MYO18B: variants seen among roughly 807,000 people sequenced by gnomAD.
The protein encoded by MYO18B is unconventional myosin-XVIIIb.
A neutral mutation model predicts 273.0 loss-of-function variants in MYO18B; 204 were observed. The observed-to-expected ratio is 0.75, with a 90% CI of 0.67 to 0.84. The LOEUF is 0.84. Ranked by LOEUF, MYO18B falls within the 40% of genes least tolerant of loss-of-function variation. The probability of loss-of-function intolerance (pLI) is 0.00; values close to 1 mark genes in which losing one functional copy is unlikely to be tolerated. For synonymous variants in MYO18B, 1,330 were observed against 1,305.7 expected (o/e 1.02, Z -0.40); for missense variants, 3,212 against 3,287.6 (o/e 0.98, Z 0.56).
chr22:25,908,090 T>C lies in MYO18B; in HGVS notation c.5149-232T>C, dbSNP rs5752242. Among the ~76,000 whole-genome samples, 71,122 of 150,504 alleles carry C rather than the reference T, an allele frequency of 0.47. 16,907 individuals are homozygous for C. Among genetic ancestry groups the C allele is most frequent in the Middle Eastern group, 0.54 (160 of 294 alleles). ...ATTCTGAGGCTGCTTCTAAACTCAG[T>C]GGGAAAGTGTGATTGATGAGTGATG... On this transcript the variant is annotated intron_variant, in intron 31 of 43. Transcript: ENST00000335473.
rs915298022 is a variant in MYO18B, at chr22:25,769,194, G to A, written c.1278G>A (p.Val426=). 1 of 1,609,286 alleles carries A rather than the reference G, an allele frequency of 6.2e-7. No individual in the cohort carries two copies. The highest frequency in any genetic ancestry group is 8.5e-7 in the Non-Finnish European group (1 of 1,177,964). Residue 426 remains valine, a synonymous_variant, in exon 4 of 44, where the codon GTG becomes GTA. Transcript: ENST00000335473. ...CEAPKEVSTM[V]ESPAAPGKGG... Reference sequence around the variant, plus strand: ...CCCCAAAGGAGGTGAGCACAATGGTGGAGTCGCCAGCAGCTCCTGGGAAGG... The same window carrying A: ...CCCCAAAGGAGGTGAGCACAATGGTAGAGTCGCCAGCAGCTCCTGGGAAGG...
At chr22:25,847,307 G>T in intron 19 of MYO18B, 123 bp from the exon 20 acceptor site, 1 of 700,422 alleles carries the variant, frequency 1.4e-6, no homozygotes, top group African/African-American at 1.8e-5. Context: ...GGAGCTCCTT[G>T]GTGTGGGACA....
chr22:25,824,456 A>C (rs1004362007), intron 13 of MYO18B, among the ~76,000 whole-genome samples: 4 of 152,122 alleles, frequency 2.6e-5, no homozygotes, highest in African/African-American at 9.7e-5. Flanking sequence ...TGGGGGAAAA[A>C]CAGGAGGACT....
In MYO18B at chr22:25,935,707, G is replaced by A. The variant is rs1036583391; in HGVS notation, c.5518-10430G>A. Among the ~76,000 whole-genome samples, 5 of 152,102 alleles carry A rather than the reference G, an allele frequency of 3.3e-5. No homozygotes were observed. The East Asian group carries it at 9.7e-4, about 29-fold the overall frequency. ...TGGCTCTGAAGAAAGGTACCAGCTC[G>A]GGTATGTGGGGTCTGGTGAATAAGG... On this transcript the variant is annotated intron_variant, in intron 34 of 43. Coordinates refer to ENST00000335473, the MANE Select transcript of MYO18B (RefSeq NM_032608.7).
Position 25,857,216 on chromosome 22 carries a change from G to T in MYO18B, c.3885+5637G>T, listed in dbSNP as rs548095769. On this transcript the variant is annotated intron_variant, in intron 21 of 43. Coordinates refer to ENST00000335473, the MANE Select transcript of MYO18B (RefSeq NM_032608.7). ...CACTCTTTCAGCTCACCTTGGCTAC[G>T]TCCCAGATTCTGGTCCCTTCCATTT... Among the ~76,000 whole-genome samples the T allele has an allele frequency of 1.5e-3, 228 of 152,292 alleles. 2 individuals are homozygous for T. Among genetic ancestry groups the T allele is most frequent in the Middle Eastern group, 6.8e-3 (2 of 294 alleles).
At chr22:25,773,215 G>A (rs958437265) in intron 7 of MYO18B, among the ~76,000 whole-genome samples, 2 of 152,210 alleles carry the variant, frequency 1.3e-5, no homozygotes, top group Admixed American at 6.5e-5. Flanking sequence ...GCTATTGATT[G>A]AGGGTCTCCT....
intron 42 of MYO18B, among the ~76,000 whole-genome samples, chr22:26,022,324 T>G (rs549301573): frequency 1.3e-5 from 2 of 150,684 alleles, no homozygotes; most frequent in East Asian, 3.9e-4. Context: ...ACAGGATGTG[T>G]TTGAAGTGTC....
chr22:25,764,288 T>C (rs1404696967), intron 3 of MYO18B, among the ~76,000 whole-genome samples: 1 of 152,242 alleles, frequency 6.6e-6, no homozygotes, highest in Non-Finnish European at 1.5e-5. Context: ...TCTCTTGTCC[T>C]CTTTAGCCAT....
rs750025745 is a variant in MYO18B at position 25,890,879 on chromosome 22, A to AGTGGTCAGGG, written c.4434+9_4434+18dup. Reference sequence around the variant, plus strand: ...CCGGGAGGTCCAGGAGCTCAAGGTGAGTGGTCAGGGGTGGCCAGGGGTGGC... The same window carrying AGTGGTCAGGG: ...CCGGGAGGTCCAGGAGCTCAAGGTGAGTGGTCAGGGGTGGTCAGGGGTGGCCAGGGGTGGC... On this transcript the variant is annotated splice_donor_region_variant and intron_variant, in intron 26 of 43. Transcript: ENST00000335473. 63 of 1,612,892 alleles carry AGTGGTCAGGG rather than the reference A, an allele frequency of 3.9e-5. No homozygotes were observed. In the African/African-American group the frequency reaches 6.8e-4, roughly 17 times the overall value.
intron 22 of MYO18B, 134 bp downstream of exon 22, chr22:25,868,519 A>G (rs1015386859): frequency 7.0e-6 from 5 of 709,576 alleles, no homozygotes; most frequent in African/African-American, 1.8e-5. Context: ...AGAGCTAATG[A>G]TTTTCTGCCC....
chr22:26,027,049 C>A lies in MYO18B; in HGVS notation c.7075C>A (p.Pro2359Thr). 6.2e-7 allele frequency: 1 copy of A among 1,613,988 alleles called. No homozygotes were observed. The highest frequency in any genetic ancestry group is 8.5e-7 in the Non-Finnish European group (1 of 1,179,892). ...CTGCGAGTCCCTCTTAGAATCCAGACCGAGCATGGGGAGAAAACTGAGCTC... is the reference window on the plus strand; with the variant it reads ...CTGCGAGTCCCTCTTAGAATCCAGAACGAGCATGGGGAGAAAACTGAGCTC... ...SSCESLLESR[P>T]SMGRKLSSPT... The change falls in exon 43 of 44, where the codon CCG (proline) becomes ACG (threonine). Residue 2359 changes from proline (P) to threonine (T), a missense_variant. Pro to Thr is a conservative substitution (Grantham distance 38). Coordinates refer to ENST00000335473, the MANE Select transcript of MYO18B (RefSeq NM_032608.7). This position sits in a 1 kb window ranked among gnomAD's most constrained non-coding sequence, Gnocchi z 4.1.
chr22:25,848,914 C>G (rs1447868098), intron 20 of MYO18B, among the ~76,000 whole-genome samples: 1 of 152,162 alleles, frequency 6.6e-6, no homozygotes, highest in Non-Finnish European at 1.5e-5. Context: ...TCCCATCTCC[C>G]CCTGCTGGGT....
At chr22:26,019,884 A>G (rs9620584) in intron 42 of MYO18B, among the ~76,000 whole-genome samples, 4,616 of 152,240 alleles carry the variant, frequency 0.03, 244 homozygotes, top group African/African-American at 0.11. Flanking sequence ...ATTAAGTCTA[A>G]TAACAGTAAA....
chr22:25,768,883 G>A lies in MYO18B; in HGVS notation c.967G>A (p.Gly323Arg), dbSNP rs759691752. 1 of 1,613,112 alleles carries A rather than the reference G, an allele frequency of 6.2e-7. No homozygotes were observed. Among genetic ancestry groups the A allele is most frequent in the Admixed American group, 1.7e-5 (1 of 59,904 alleles). ...TGGGAGAAAGTGGGGAGGTTTCCTG[G>A]GAAGAAGGAGTAAGTGGGACGGTCC... Reference protein sequence around the residue: ...IPGRKWGGFLGRRSKWDGPQN... With the variant: ...IPGRKWGGFLRRRSKWDGPQN... The change falls in exon 4 of 44, where the codon GGA becomes AGA. Residue 323 changes from glycine (G) to arginine (R), a missense_variant. Coordinates refer to ENST00000335473, the MANE Select transcript of MYO18B (RefSeq NM_032608.7).
chr22:25,894,309 A>G (rs1206194456), intron 27 of MYO18B, among the ~76,000 whole-genome samples: 1 of 152,130 alleles, frequency 6.6e-6, no homozygotes, highest in Non-Finnish European at 1.5e-5. Flanking sequence ...TGAGTGTGTG[A>G]ATGGATGGAT....
At chr22:25,819,559 G>T (rs1177012197) in intron 12 of MYO18B, among the ~76,000 whole-genome samples, 2 of 152,308 alleles carry the variant, frequency 1.3e-5, no homozygotes, top group Non-Finnish European at 1.5e-5. Flanking sequence ...CAGGCTCACA[G>T]GTAACAGTAT....
chr22:25,998,373 G>C (rs1167202174), intron 40 of MYO18B, among the ~76,000 whole-genome samples: 1 of 152,188 alleles, frequency 6.6e-6, no homozygotes, highest in Non-Finnish European at 1.5e-5. Flanking sequence ...AGGGGGTAAA[G>C]GGGTTTGGGC....
Position 25,908,322 on chromosome 22 carries a change from C to A in MYO18B, c.5149C>A (p.Leu1717Ile). Residue 1717 changes from leucine (L) to isoleucine (I), a missense_variant and splice_region_variant, in exon 32 of 44, where the codon CTC (leucine) becomes ATC (isoleucine). Leu to Ile is a conservative substitution (Grantham distance 5). Transcript: ENST00000335473. The part of the protein sequence containing the change: ...QENTIKQLEQ[L>I]RQRFELEIER... Reference sequence around the variant, plus strand: ...CGTGCTGTCCTTGCTGCCCCCGCAGCTCCGCCAGCGGTTTGAGCTGGAGAT... The same window carrying A: ...CGTGCTGTCCTTGCTGCCCCCGCAGATCCGCCAGCGGTTTGAGCTGGAGAT... 1 of 1,575,406 alleles carries A rather than the reference C, an allele frequency of 6.3e-7. No homozygotes were observed. Among genetic ancestry groups the A allele is most frequent in the South Asian group, 1.2e-5 (1 of 85,402 alleles).
intron 17 of MYO18B, among the ~76,000 whole-genome samples, chr22:25,842,079 G>A (rs2090098884): frequency 6.6e-6 from 1 of 152,240 alleles, no homozygotes; most frequent in South Asian, 2.1e-4. Flanking sequence ...GGCAATCTGG[G>A]AAGTGAGCAC....
Sources: gnomAD v4.1 joint callset for allele counts (sites outside exome capture counted in the v4.1 genomes callset) on GRCh38, gnomAD v4.1.1 for gene constraint, Gnocchi (gnomAD v3.1) non-coding constraint, MANE v1.5 for transcripts, NCBI Gene and HGNC (gene_info 2026-07-23, HGNC 2026-07-21) for gene names.